Variants in TENM3 observed in about 807,000 individuals in gnomAD.
TENM3 encodes teneurin-3.
Under a neutral mutation model 255.1 loss-of-function variants are expected in TENM3, and 63 were observed. The observed-to-expected ratio is 0.25, with a 90% confidence interval of 0.20 to 0.30. The LOEUF (loss-of-function observed/expected upper bound fraction) is 0.30. Among genes scored for constraint, TENM3 ranks in the 10% least tolerant of loss-of-function variants. The pLI is 1.00. For synonymous variants in TENM3, 1,306 were observed against 1,322.3 expected (o/e 0.99, Z 0.27); for missense variants, 2,929 against 3,461.1 (o/e 0.85, Z 3.86).
chr4:181,911,217 C>A, the TENM3 span, among the ~76,000 whole-genome samples: 3 of 152,168 alleles, frequency 2.0e-5, no homozygotes, highest in Non-Finnish European at 4.4e-5. Flanking sequence ...TTCTTCATTT[C>A]TTTTCTATCA....
intron 1 of TENM3, among the ~76,000 whole-genome samples, chr4:182,170,832 A>T (rs187425732): frequency 6.4e-4 from 97 of 152,320 alleles, no homozygotes; most frequent in African/African-American, 2.2e-3. Flanking sequence ...AATTTCAGTG[A>T]TGATGTACAT....
intron 2 of TENM3, among the ~76,000 whole-genome samples, chr4:182,333,354 A>T (rs116623143): frequency 0.021 from 3,245 of 152,364 alleles, 54 homozygotes; most frequent in Middle Eastern, 0.034. Context: ...CCAGCAATAT[A>T]TAAAAAGAAT....
chr4:182,515,437 T>C (rs1737839332), intron 3 of TENM3, among the ~76,000 whole-genome samples: 1 of 152,184 alleles, frequency 6.6e-6, no homozygotes. Flanking sequence ...CCATTTCAGT[T>C]ATTTAGCTTA....
chr4:182,428,833 T>G (rs1213265541), intron 3 of TENM3, among the ~76,000 whole-genome samples: 1 of 152,222 alleles, frequency 6.6e-6, no homozygotes, highest in African/African-American at 2.4e-5. Flanking sequence ...ATAATTTGTA[T>G]CATTGCTATT....
chr4:182,730,860 T>C lies in TENM3; in HGVS notation c.2706-18T>C, dbSNP rs1185639043. ...TGGGATCCAGACAATTCACTAAGCATACCTTGTTCTTTCTTAGGTTTGACT... is the reference window on the plus strand; with the variant it reads ...TGGGATCCAGACAATTCACTAAGCACACCTTGTTCTTTCTTAGGTTTGACT... On this transcript the variant is annotated intron_variant, in intron 15 of 27. Coordinates refer to ENST00000511685, the MANE Select transcript of TENM3 (RefSeq NM_001080477.4). The C allele has an allele frequency of 6.2e-7, 1 of 1,612,624 alleles. No homozygotes were observed. The highest frequency in any genetic ancestry group is 1.3e-5 in the African/African-American group (1 of 74,902).
At chr4:181,720,686 G>A in the TENM3 span, among the ~76,000 whole-genome samples, 1 of 152,084 alleles carries the variant, frequency 6.6e-6, no homozygotes, top group African/African-American at 2.4e-5. Context: ...AATATTCTCA[G>A]TGGGAGGAAG....
chr4:182,414,416 GA>G (rs1263994989), intron 3 of TENM3, among the ~76,000 whole-genome samples: 2 of 152,094 alleles, frequency 1.3e-5, no homozygotes, highest in Non-Finnish European at 2.9e-5. Flanking sequence ...TCTTTTAAAA[GA>G]AGAACTCTAA....
intron 1 of TENM3, among the ~76,000 whole-genome samples, chr4:182,158,986 G>A (rs551784877): frequency 4.6e-5 from 7 of 152,262 alleles, no homozygotes; most frequent in African/African-American, 1.7e-4. Context: ...GACCAAGTTG[G>A]GCTCCGAAAT....
At chr4:182,390,643 A>G (rs1041707405) in intron 3 of TENM3, among the ~76,000 whole-genome samples, 3 of 151,814 alleles carry the variant, frequency 2.0e-5, no homozygotes, top group Admixed American at 1.3e-4. Flanking sequence ...CACTACTGAC[A>G]CTCTCCTACC....
the TENM3 span, among the ~76,000 whole-genome samples, chr4:181,517,547 A>G: frequency 6.6e-6 from 1 of 152,238 alleles, no homozygotes; most frequent in African/African-American, 2.4e-5. Flanking sequence ...CAGGATATTA[A>G]CAAAAACTTC....
In TENM3 at chr4:182,789,127, A is replaced by G. The variant is rs747945166; in HGVS notation, c.5339A>G (p.Asp1780Gly). 5 of 1,610,242 alleles carry G rather than the reference A, an allele frequency of 3.1e-6. No individual in the cohort carries two copies. The highest frequency in any genetic ancestry group is 2.7e-5 in the African/African-American group (2 of 74,866). ...AGAAACCTCCTTTCAGTTGACTTTG[A>G]TCGAACAACAAAGACAGAAAAGATC... ...NGRNLLSVDF[D>G]RTTKTEKIYD... Residue 1780 changes from aspartate to glycine, a missense_variant, in exon 25 of 28, where the codon GAT becomes GGT. Asp to Gly is a moderately conservative substitution (Grantham distance 94). Coordinates refer to ENST00000511685, the MANE Select transcript of TENM3 (RefSeq NM_001080477.4). The surrounding 1 kb of genome is among the most constrained non-coding windows in gnomAD (Gnocchi z 4.4).
the TENM3 span, among the ~76,000 whole-genome samples, chr4:181,705,704 T>A: frequency 2.0e-5 from 3 of 152,192 alleles, no homozygotes; most frequent in Non-Finnish European, 4.4e-5. Flanking sequence ...CATGTTTACC[T>A]GTGTAACAAA....
chr4:181,710,286 G>A, the TENM3 span, among the ~76,000 whole-genome samples: 7,120 of 152,130 alleles, frequency 0.047, 316 homozygotes, highest in African/African-American at 0.11. Context: ...TCAGAAAAGC[G>A]TTTTCCAGGA....
At chr4:181,666,661 C>G in the TENM3 span, among the ~76,000 whole-genome samples, 1 of 152,140 alleles carries the variant, frequency 6.6e-6, no homozygotes, top group Non-Finnish European at 1.5e-5. Flanking sequence ...TAAAACTCAA[C>G]AGTAGCTGCA....
intron 1 of TENM3, among the ~76,000 whole-genome samples, chr4:182,297,348 A>G (rs1166058911): frequency 1.3e-5 from 2 of 152,234 alleles, no homozygotes; most frequent in African/African-American, 2.4e-5. Flanking sequence ...ACTGAAATAA[A>G]TAATTTATAC....
the TENM3 span, among the ~76,000 whole-genome samples, chr4:181,463,697 A>G: frequency 6.6e-6 from 1 of 152,198 alleles, no homozygotes; most frequent in African/African-American, 2.4e-5. Flanking sequence ...GGACAATTCA[A>G]TGGTGGTTAG....
chr4:181,673,170 T>G, the TENM3 span, among the ~76,000 whole-genome samples: 1 of 152,330 alleles, frequency 6.6e-6, no homozygotes, highest in East Asian at 1.9e-4. Flanking sequence ...AAATTCCCTG[T>G]TTTATGCGTA....
At chr4:181,996,539 G>T in the TENM3 span, among the ~76,000 whole-genome samples, 4 of 152,210 alleles carry the variant, frequency 2.6e-5, no homozygotes, top group African/African-American at 9.6e-5. Flanking sequence ...GAACCAGGGA[G>T]AGGAGCACTG....
intron 23 of TENM3, chr4:182,773,878 C>A: frequency 2.7e-6 from 1 of 370,672 alleles, no homozygotes; most frequent in Non-Finnish European, 4.8e-6. Context: ...TTTCCATTCC[C>A]ATGTATTAAA....
Sources: gnomAD v4.1 joint callset for allele counts (sites outside exome capture counted in the v4.1 genomes callset) on GRCh38, gnomAD v4.1.1 for gene constraint, Gnocchi (gnomAD v3.1) non-coding constraint, MANE v1.5 for transcripts, NCBI Gene and HGNC (gene_info 2026-07-23, HGNC 2026-07-21) for gene names.